The following SPNS3 variants were observed in gnomAD, a reference collection of about 807,000 sequenced individuals.
SPNS3 encodes protein spinster homolog 3.
SPNS3 carries 51 observed loss-of-function variants against 54.4 expected under a neutral mutation model. The ratio of observed to expected loss-of-function variants is 0.94; its 90% CI spans 0.75 to 1.18. The LOEUF (loss-of-function observed/expected upper bound fraction) is 1.18. Among genes scored for constraint, SPNS3 ranks in the 50% most tolerant of loss-of-function variants. The pLI, the probability that SPNS3 is intolerant of heterozygous loss-of-function variation, is 0.00. For synonymous variants in SPNS3, 309 were observed against 294.7 expected (o/e 1.05, Z -0.50); for missense variants, 669 against 677.4 (o/e 0.99, Z 0.14).
chr17:4,484,788 C>T (rs908078845), intron 9 of SPNS3, among the ~76,000 whole-genome samples: 2 of 151,780 alleles, frequency 1.3e-5, no homozygotes, highest in Non-Finnish European at 2.9e-5. Flanking sequence ...GCCCTGGGTT[C>T]TGGCAGACTT....
rs574357602 is a variant in SPNS3 at position 4,455,011 on chromosome 17, T to G, written c.1113+1806T>G. Among the ~76,000 whole-genome samples, 746 of 151,986 alleles carry G rather than the reference T, an allele frequency of 4.9e-3. 2 individuals carry two copies. Among genetic ancestry groups the G allele is most frequent in the African/African-American group, 0.017 (705 of 41,422 alleles). On this transcript the variant is annotated intron_variant, in intron 8 of 11. Transcript: ENST00000355530. ...TCACGGTAACCTCCGCCTCCTGGGT[T>G]CAAGCGATTCTCCTGCCTTAGCCTC...
chr17:4,481,854 A>C (rs1972157912), intron 9 of SPNS3: 1 of 149,816 alleles, frequency 6.7e-6, no homozygotes, highest in African/African-American at 2.5e-5. Flanking sequence ...CTTCCAGATC[A>C]TCCCTTCCTT....
chr17:4,434,800 G>A (rs1970672270), intron 1 of SPNS3, among the ~76,000 whole-genome samples: 3 of 143,072 alleles, frequency 2.1e-5, no homozygotes, highest in African/African-American at 7.8e-5. Context: ...GAGCCACCGT[G>A]CCCGGCCTTT....
At chr17:4,448,124 C>A in intron 5 of SPNS3, 31 bp from the exon 6 acceptor site, 1 of 1,556,498 alleles carries the variant, frequency 6.4e-7, no homozygotes, top group Non-Finnish European at 8.6e-7. Flanking sequence ...TAATATGCGG[C>A]CCTGAGCTTC....
chr17:4,452,085 C>T (rs1971182933), intron 7 of SPNS3, among the ~76,000 whole-genome samples: 2 of 151,898 alleles, frequency 1.3e-5, no homozygotes, highest in Middle Eastern at 3.4e-3. Context: ...GTAATCTTGG[C>T]CTTGACTTTT....
At chr17:4,443,077 G>GT (rs143314084) in intron 2 of SPNS3, among the ~76,000 whole-genome samples, 3,572 of 148,192 alleles carry the variant, frequency 0.024, 43 homozygotes, top group African/African-American at 0.03. Flanking sequence ...TTTGCTTTTT[G>GT]TTTTTTTTTT....
chr17:4,444,710 C>T (rs768565648), intron 2 of SPNS3, among the ~76,000 whole-genome samples: 5 of 152,106 alleles, frequency 3.3e-5, no homozygotes, highest in East Asian at 1.9e-4. Flanking sequence ...CCATGCCTGA[C>T]GCTCCGCATT....
intron 11 of SPNS3, 107 bp from the exon 12 acceptor site, chr17:4,487,699 G>A (rs1200196797): frequency 1.0e-6 from 1 of 976,092 alleles, no homozygotes; most frequent in Non-Finnish European, 1.6e-6. Flanking sequence ...AATGTATTCT[G>A]CATTTGGGAC....
chr17:4,484,379 G>C lies in SPNS3; in HGVS notation c.1180-1849G>C, dbSNP rs570497879. ...TCTTTCACTCAGGCTGGAGTATAGT[G>C]GTGCCACCTCGGCTCACTAGAACCT... On this transcript the variant is annotated intron_variant, in intron 9 of 11. Transcript: ENST00000355530. Among the ~76,000 whole-genome samples the C allele has an allele frequency of 2.0e-5, 3 of 152,260 alleles. No homozygotes were observed. In the South Asian group the frequency reaches 6.2e-4, roughly 32 times the overall value.
At chr17:4,476,534 A>G (rs1434806758) in intron 8 of SPNS3, among the ~76,000 whole-genome samples, 2 of 152,184 alleles carry the variant, frequency 1.3e-5, no homozygotes, top group Non-Finnish European at 2.9e-5. Context: ...CTGGAGGGCC[A>G]GGTGCAGGTG....
At chr17:4,478,717 C>A in intron 9 of SPNS3, 80 bp downstream of exon 9, 1 of 1,419,538 alleles carries the variant, frequency 7.0e-7, no homozygotes, top group Non-Finnish European at 9.7e-7. Flanking sequence ...CAGCTGGGCA[C>A]TGGCGGCGAC....
intron 4 of SPNS3, 49 bp downstream of exon 4, chr17:4,446,248 AAAG>A: frequency 6.4e-7 from 1 of 1,567,980 alleles, no homozygotes; most frequent in Non-Finnish European, 8.7e-7. Flanking sequence ...ACTGAGGCCC[AAAG>A]GAGTCAGAAC....
At chr17:4,480,910 C>G (rs992225177) in intron 9 of SPNS3, among the ~76,000 whole-genome samples, 2 of 152,174 alleles carry the variant, frequency 1.3e-5, no homozygotes, top group African/African-American at 4.8e-5. Flanking sequence ...TTTTGGCCTT[C>G]GGGGATCAGA....
At chr17:4,476,073 G>A (rs992068065) in intron 8 of SPNS3, among the ~76,000 whole-genome samples, 13 of 152,182 alleles carry the variant, frequency 8.5e-5, no homozygotes, top group South Asian at 2.1e-4. Flanking sequence ...GGCTGCGCCC[G>A]TCCACCCCAG....
intron 2 of SPNS3, among the ~76,000 whole-genome samples, chr17:4,442,394 G>A (rs1340639804): frequency 5.9e-5 from 9 of 152,046 alleles, no homozygotes; most frequent in Non-Finnish European, 1.0e-4. Flanking sequence ...TTAGCCAGGT[G>A]TGGTGGCAGG....
At chr17:4,440,853 T>C (rs573377842) in intron 2 of SPNS3, among the ~76,000 whole-genome samples, 2 of 152,332 alleles carry the variant, frequency 1.3e-5, no homozygotes, top group East Asian at 3.9e-4. Context: ...CTTATCTAGC[T>C]GTTCCCGTGT....
chr17:4,476,179 G>A (rs1043124258), intron 8 of SPNS3, among the ~76,000 whole-genome samples: 1 of 152,210 alleles, frequency 6.6e-6, no homozygotes, highest in Non-Finnish European at 1.5e-5. Flanking sequence ...TTAGAAGGTG[G>A]CCTCTCCGCA....
chr17:4,477,416 A>T (rs925977549), intron 8 of SPNS3, among the ~76,000 whole-genome samples: 1 of 152,184 alleles, frequency 6.6e-6, no homozygotes, highest in African/African-American at 2.4e-5. Flanking sequence ...TACCCTGGGG[A>T]CAGCCCCGTG....
chr17:4,472,774 CTTTTTTTTTTTTTTTTTTT>C (rs375118697), intron 8 of SPNS3, among the ~76,000 whole-genome samples: 30 of 50,976 alleles, frequency 5.9e-4, no homozygotes, highest in African/African-American at 2.0e-3. Flanking sequence ...GCTTGGCAGC[CTTTTTTTTTTTTTTTTTTT>C]TTTTTTTTTT....
Sources: gnomAD v4.1 joint callset for allele counts (sites outside exome capture counted in the v4.1 genomes callset) on GRCh38, gnomAD v4.1.1 for gene constraint, MANE v1.5 for transcripts, NCBI Gene and HGNC (gene_info 2026-07-23, HGNC 2026-07-21) for gene names.